The following SHMT1 variants were observed in gnomAD, a reference collection of about 807,000 sequenced individuals.
SHMT1 encodes the protein serine hydroxymethyltransferase, cytosolic.
Under a neutral mutation model 49.0 loss-of-function variants are expected in SHMT1, and 45 were observed. The observed-to-expected ratio is 0.92, with a 90% confidence interval of 0.72 to 1.18. The LOEUF (loss-of-function observed/expected upper bound fraction) is 1.18. SHMT1 is among the 50% of genes most tolerant of loss of function. The pLI is 0.00. For synonymous variants in SHMT1, 232 were observed against 246.6 expected (o/e 0.94, Z 0.55); for missense variants, 541 against 612.4 (o/e 0.88, Z 1.23).
chr17:18,344,653 TTTC>T (rs1475801947), intron 5 of SHMT1, among the ~76,000 whole-genome samples: 1 of 151,790 alleles, frequency 6.6e-6, no homozygotes, highest in Non-Finnish European at 1.5e-5. Context: ...AGGTTTTTCT[TTTC>T]TTTTTTTAAT....
At chr17:18,356,855 A>T (rs142127633) in intron 1 of SHMT1, among the ~76,000 whole-genome samples, 2 of 151,714 alleles carry the variant, frequency 1.3e-5, no homozygotes, top group Non-Finnish European at 2.9e-5. Flanking sequence ...AGGGAGCCCA[A>T]CTCCGCCTCC....
intron 10 of SHMT1, 56 bp from the exon 11 acceptor site, chr17:18,329,444 G>T (rs1982940590): frequency 1.4e-6 from 2 of 1,400,658 alleles, no homozygotes; most frequent in Admixed American, 1.7e-5. Context: ...TGTGATGGTG[G>T]TGCATTTAAA....
At chr17:18,348,495 TCA>T (rs1985342084) in intron 3 of SHMT1, 55 bp from the exon 4 acceptor site, 3 of 1,286,130 alleles carry the variant, frequency 2.3e-6, no homozygotes, top group Non-Finnish European at 3.4e-6. Flanking sequence ...AGTCTGTGCT[TCA>T]CAGAGGCCAA....
chr17:18,351,525 G>C (rs1324884295), intron 3 of SHMT1, among the ~76,000 whole-genome samples: 1 of 151,980 alleles, frequency 6.6e-6, no homozygotes, highest in Non-Finnish European at 1.5e-5. Context: ...TTGGGAGACA[G>C]AGGCAGGCGG....
At position 18,340,193 on chromosome 17, in the gene SHMT1, C is replaced by G. The variant is rs530339034; in HGVS notation, c.664G>C (p.Gly222Arg). 2 of 1,614,242 alleles carry G rather than the reference C, an allele frequency of 1.2e-6. No homozygotes were observed. The highest frequency in any genetic ancestry group is 2.2e-5 in the South Asian group (2 of 91,090). ...GCCATGTCCGCCATGAGATACGCCC[C>G]GTTCTCATCTGCAATCTTCCGTAGC... ...ARLRKIADEN[G>R]AYLMADMAHI... The change falls in exon 7 of 12, where the codon GGG (glycine) becomes CGG (arginine). Residue 222 changes from glycine to arginine, a missense_variant. Gly to Arg is a moderately radical substitution (Grantham distance 125, BLOSUM62 -2). Coordinates refer to ENST00000316694, the MANE Select transcript of SHMT1 (RefSeq NM_004169.5). The surrounding 1 kb of genome is among the most constrained non-coding windows in gnomAD (Gnocchi z 4.5).
intron 1 of SHMT1, among the ~76,000 whole-genome samples, chr17:18,359,244 A>T (rs1249759123): frequency 1.4e-5 from 2 of 141,998 alleles, no homozygotes; most frequent in African/African-American, 5.2e-5. Flanking sequence ...TCTCCAGGGG[A>T]AAAAAAAAAA....
chr17:18,359,707 G>A (rs1986574456), intron 1 of SHMT1, among the ~76,000 whole-genome samples: 2 of 152,010 alleles, frequency 1.3e-5, no homozygotes, highest in Middle Eastern at 3.2e-3. Flanking sequence ...CAGCACTTTG[G>A]GAGGCCAAGG....
At chr17:18,349,047 A>G (rs145814305) in intron 3 of SHMT1, among the ~76,000 whole-genome samples, 4 of 152,258 alleles carry the variant, frequency 2.6e-5, no homozygotes, top group African/African-American at 9.6e-5. Flanking sequence ...GATGAGCCTG[A>G]GAACATTATG....
At chr17:18,335,205 C>T (rs1446637006) in intron 8 of SHMT1, among the ~76,000 whole-genome samples, 2 of 152,214 alleles carry the variant, frequency 1.3e-5, no homozygotes, top group Non-Finnish European at 2.9e-5. Context: ...AGGCCAGGCC[C>T]ATCAAGGGCA....
At chr17:18,346,081 T>TG (rs1985054391) in intron 5 of SHMT1, among the ~76,000 whole-genome samples, 1 of 151,940 alleles carries the variant, frequency 6.6e-6, no homozygotes, top group South Asian at 2.1e-4. Context: ...CACCTAGGTG[T>TG]TCTGTGAAAA....
chr17:18,353,297 C>T (rs1985903439), intron 3 of SHMT1, among the ~76,000 whole-genome samples: 1 of 152,254 alleles, frequency 6.6e-6, no homozygotes, highest in Non-Finnish European at 1.5e-5. Context: ...TCCACTTCCA[C>T]ACCATTCCCA....
chr17:18,330,615 C>T lies in SHMT1; in HGVS notation c.1111G>A (p.Gly371Arg), dbSNP rs1457718948. 6.2e-7 allele frequency: 1 copy of T among 1,614,006 alleles called. No individual in the cohort carries two copies. The highest frequency in any genetic ancestry group is 8.5e-7 in the Non-Finnish European group (1 of 1,180,018). Reference sequence around the variant, plus strand: ...GCTTCTAGCACCTTCTCAGCCCTTCCACCATCTGTGCCTTTGGAACGGAGA... The same window carrying T: ...GCTTCTAGCACCTTCTCAGCCCTTCTACCATCTGTGCCTTTGGAACGGAGA... ...VDLRSKGTDGGRAEKVLEACS... is the reference protein window; with the variant it reads ...VDLRSKGTDGRRAEKVLEACS... The change falls in exon 10 of 12, where the codon GGA becomes AGA. Residue 371 changes from glycine (G) to arginine (R), a missense_variant. Transcript: ENST00000316694.
At chr17:18,349,880 C>T (rs977397488) in intron 3 of SHMT1, among the ~76,000 whole-genome samples, 4 of 151,448 alleles carry the variant, frequency 2.6e-5, no homozygotes, top group Admixed American at 2.0e-4. Flanking sequence ...ATTAGCCAGG[C>T]GTGGTGGTGC....
chr17:18,351,765 T>G (rs4500798), intron 3 of SHMT1, among the ~76,000 whole-genome samples: 39,406 of 151,400 alleles, frequency 0.26, 5,217 homozygotes, highest in East Asian at 0.3. Context: ...AGAGCGATAC[T>G]CCGTGTAAAA....
At chr17:18,335,538 C>A in intron 8 of SHMT1, 21 bp downstream of exon 8, 1 of 1,519,222 alleles carries the variant, frequency 6.6e-7, no homozygotes, top group South Asian at 1.1e-5. Context: ...ACAGGATGAG[C>A]AGAGGCAGAT....
chr17:18,359,322 T>C (rs998838303), intron 1 of SHMT1, among the ~76,000 whole-genome samples: 2 of 151,688 alleles, frequency 1.3e-5, no homozygotes, highest in African/African-American at 4.8e-5. Flanking sequence ...GAGGATCCTT[T>C]GAGCCTAGGA....
chr17:18,339,711 C>T (rs1057435970), intron 7 of SHMT1, among the ~76,000 whole-genome samples: 2 of 152,194 alleles, frequency 1.3e-5, no homozygotes, highest in East Asian at 3.8e-4. Context: ...CAGGTGCCCA[C>T]CACCACACTC....
chr17:18,358,789 G>C (rs771507892), intron 1 of SHMT1, among the ~76,000 whole-genome samples: 2 of 152,136 alleles, frequency 1.3e-5, no homozygotes, highest in African/African-American at 2.4e-5. Flanking sequence ...TGTAGTCCCA[G>C]CTATTCAGGA....
At chr17:18,361,629 A>G (rs1323247638) in intron 1 of SHMT1, among the ~76,000 whole-genome samples, 1 of 151,370 alleles carries the variant, frequency 6.6e-6, no homozygotes, top group Non-Finnish European at 1.5e-5. Context: ...CTACAAAAAT[A>G]AAAAAAAATT....
Sources: gnomAD v4.1 joint callset for allele counts (sites outside exome capture counted in the v4.1 genomes callset) on GRCh38, gnomAD v4.1.1 for gene constraint, Gnocchi (gnomAD v3.1) non-coding constraint, MANE v1.5 for transcripts, NCBI Gene and HGNC (gene_info 2026-07-23, HGNC 2026-07-21) for gene names.